MCM9: variants seen among roughly 807,000 people sequenced by gnomAD.
MCM9 encodes the protein DNA helicase MCM9.
A neutral mutation model predicts 72.8 loss-of-function variants in MCM9; 55 were observed. That is an observed-to-expected ratio of 0.76 (90% CI 0.61 to 0.95). The LOEUF (loss-of-function observed/expected upper bound fraction) is 0.95, where lower values mean the gene tolerates loss of function less well. MCM9 is among the 40% of genes least tolerant of loss of function. MCM9 has a pLI of 0.00. For missense variants in MCM9, 1,279 were observed against 1,377.0 expected, an observed-to-expected ratio of 0.93 and a Z score of 1.13; for synonymous variants, 480 against 503.4, an observed-to-expected ratio of 0.95 and a Z score of 0.62.
intron 13 of MCM9, among the ~76,000 whole-genome samples, chr6:118,822,395 G>A (rs908608547): frequency 1.3e-5 from 2 of 152,190 alleles, no homozygotes; most frequent in Admixed American, 6.5e-5. Flanking sequence ...GTCTGCTGCA[G>A]TTTGCTAGAG....
At chr6:118,907,129 CAG>C (rs1195752304) in intron 8 of MCM9, among the ~76,000 whole-genome samples, 1 of 152,074 alleles carries the variant, frequency 6.6e-6, no homozygotes, top group Non-Finnish European at 1.5e-5. Flanking sequence ...TTTTAGAAAA[CAG>C]AAGTATAGGA....
chr6:118,867,878 T>C (rs567093961), intron 8 of MCM9, among the ~76,000 whole-genome samples: 8,026 of 64,926 alleles, frequency 0.12, 354 homozygotes, highest in East Asian at 0.4. Flanking sequence ...TTTTTCTTTT[T>C]CTTTTTCTTT....
At chr6:118,823,172 G>C (rs1450528840) in intron 13 of MCM9, among the ~76,000 whole-genome samples, 9 of 152,118 alleles carry the variant, frequency 5.9e-5, no homozygotes, top group Non-Finnish European at 1.0e-4. Context: ...AACTCCTGAA[G>C]CTAGCTCAGT....
intron 8 of MCM9, among the ~76,000 whole-genome samples, chr6:118,905,211 C>T (rs1780092395): frequency 6.6e-6 from 1 of 152,088 alleles, no homozygotes; most frequent in South Asian, 2.1e-4. Context: ...ATATAAGTAT[C>T]CTGGGTTGAA....
intron 8 of MCM9, among the ~76,000 whole-genome samples, chr6:118,875,255 T>C (rs146171235): frequency 6.6e-6 from 1 of 152,188 alleles, no homozygotes; most frequent in African/African-American, 2.4e-5. Context: ...TGAAAAGATA[T>C]TCCATTTTCA....
At chr6:118,872,733 T>C in intron 8 of MCM9, among the ~76,000 whole-genome samples, 1 of 151,864 alleles carries the variant, frequency 6.6e-6, no homozygotes. Context: ...GCGACATTAG[T>C]GCTACTGAAT....
At chr6:118,849,988 A>G (rs1013383947) in intron 9 of MCM9, among the ~76,000 whole-genome samples, 1 of 151,916 alleles carries the variant, frequency 6.6e-6, no homozygotes, top group Non-Finnish European at 1.5e-5. Context: ...TTTCTTTTGC[A>G]TGTCTTTTTA....
At position 118,867,879 on chromosome 6, in the gene MCM9, C is replaced by CTTTTTTTTTTTTTTTTT. The variant is rs1554258631; in HGVS notation, c.1151-11335_1151-11334insAAAAAAAAAAAAAAAAA. On this transcript the variant is annotated intron_variant, in intron 8 of 13. Coordinates refer to ENST00000619706, the MANE Select transcript of MCM9 (RefSeq NM_017696.3). ...TTAATTATATTTCTTTTTTCTTTTT[C>CTTTTTTTTTTTTTTTTT]TTTTTCTTTTTTTTTGAGATGAAGT... Among the ~76,000 whole-genome samples, 27 of 137,474 alleles carry CTTTTTTTTTTTTTTTTT rather than the reference C, an allele frequency of 2.0e-4. 3 individuals carry two copies. The highest frequency in any genetic ancestry group is 2.9e-4 in the Non-Finnish European group (19 of 64,488). The allele number at this position is 137,474 out of a possible 152,430, so 90.2% of individuals were successfully genotyped here.
intron 1 of MCM9, among the ~76,000 whole-genome samples, chr6:118,933,167 T>C (rs1279376621): frequency 3.3e-5 from 5 of 152,282 alleles, no homozygotes; most frequent in South Asian, 2.1e-4. Flanking sequence ...ATCTCAGAAG[T>C]AGCACTGGAC....
At chr6:118,820,054 A>T (rs1418915682) in intron 13 of MCM9, among the ~76,000 whole-genome samples, 1 of 151,872 alleles carries the variant, frequency 6.6e-6, no homozygotes, top group African/African-American at 2.4e-5. Flanking sequence ...CTATTTTGTT[A>T]ATCTTTTCAA....
At chr6:118,821,889 A>G (rs1383522664) in intron 13 of MCM9, among the ~76,000 whole-genome samples, 2 of 152,036 alleles carry the variant, frequency 1.3e-5, no homozygotes, top group Non-Finnish European at 2.9e-5. Context: ...TCAATCTCTG[A>G]TATCCTTTCT....
At chr6:118,840,756 G>C (rs1409294925) in intron 9 of MCM9, among the ~76,000 whole-genome samples, 1 of 50,496 alleles carries the variant, frequency 2.0e-5, no homozygotes, top group Non-Finnish European at 4.0e-5. Context: ...TTTTTTTTTT[G>C]AGACAGGGTC....
intron 10 of MCM9, 49 bp from the exon 11 acceptor site, chr6:118,828,179 T>C (rs1302976289): frequency 7.1e-7 from 1 of 1,405,314 alleles, no homozygotes; most frequent in Admixed American, 2.3e-5. Flanking sequence ...CAGGCAAACA[T>C]CTCATTTTAA....
At chr6:118,894,517 C>T in intron 8 of MCM9, 2 of 1,536,938 alleles carry the variant, frequency 1.3e-6, no homozygotes, top group Non-Finnish European at 1.7e-6. Flanking sequence ...GAGGACCTGT[C>T]TGAAGGTGAG....
intron 3 of MCM9, among the ~76,000 whole-genome samples, chr6:118,927,498 G>A (rs977584656): frequency 1.3e-5 from 2 of 151,966 alleles, no homozygotes; most frequent in African/African-American, 2.4e-5. Flanking sequence ...CCAGCTACTC[G>A]GGAGGGTGAG....
intron 8 of MCM9, among the ~76,000 whole-genome samples, chr6:118,873,913 T>C (rs1290381015): frequency 6.6e-6 from 1 of 152,130 alleles, no homozygotes. Context: ...TAAAAAGAAT[T>C]GTACACCATG....
chr6:118,927,600 T>C (rs1284405227), intron 3 of MCM9, among the ~76,000 whole-genome samples: 1 of 151,542 alleles, frequency 6.6e-6, no homozygotes, highest in Non-Finnish European at 1.5e-5. Flanking sequence ...AGCAAAACTC[T>C]TGTCTCAAAA....
intron 8 of MCM9, among the ~76,000 whole-genome samples, chr6:118,906,499 A>G (rs937280286): frequency 1.8e-4 from 28 of 152,346 alleles, no homozygotes; most frequent in Middle Eastern, 3.4e-3. Context: ...TTGTTGTACT[A>G]ATTATTCAAT....
chr6:118,815,776 G>A lies in MCM9; in HGVS notation c.2480C>T (p.Ser827Phe). ...TTTATCAGCAGAGACTGCTGCTTCA[G>A]AATCTAGTGCTAGCCTTTTTTTCTT... ...SNKKKRLALD[S>F]EAAVSADKPD... Residue 827 changes from serine (S) to phenylalanine (F), a missense_variant, in exon 14 of 14, where the codon TCT (serine) becomes TTT (phenylalanine). Coordinates refer to ENST00000619706, the MANE Select transcript of MCM9 (RefSeq NM_017696.3). 7 of 1,540,816 alleles carry A rather than the reference G, an allele frequency of 4.5e-6. No individual in the cohort carries two copies. Among genetic ancestry groups the A allele is most frequent in the Non-Finnish European group, 6.1e-6 (7 of 1,147,016 alleles).
Sources: allele counts gnomAD v4.1 joint callset (sites outside exome capture counted in the v4.1 genomes callset), GRCh38; gene constraint gnomAD v4.1.1; transcripts MANE v1.5; gene names NCBI Gene and HGNC (gene_info 2026-07-23, HGNC 2026-07-21).